KCNMA1: variants seen among roughly 807,000 people sequenced by gnomAD.
KCNMA1 encodes potassium calcium-activated channel subfamily M alpha 1.
KCNMA1 carries 29 observed loss-of-function variants against 140.0 expected under a neutral mutation model. The ratio of observed to expected loss-of-function variants is 0.21; its 90% CI spans 0.15 to 0.28. The LOEUF (loss-of-function observed/expected upper bound fraction) is 0.28. KCNMA1 is among the 10% of genes least tolerant of loss of function. The probability of loss-of-function intolerance (pLI) is 1.00; values close to 1 mark genes in which losing one functional copy is unlikely to be tolerated. For missense variants in KCNMA1, 880 were observed against 1,602.2 expected, an observed-to-expected ratio of 0.55 and a Z score of 7.70; for synonymous variants, 612 against 611.9, an observed-to-expected ratio of 1.00 and a Z score of 0.00.
At chr10:77,071,890 ACTC>A (rs2096228557) in intron 14 of KCNMA1, among the ~76,000 whole-genome samples, 1 of 151,664 alleles carries the variant, frequency 6.6e-6, no homozygotes, top group Admixed American at 6.6e-5. Flanking sequence ...ACTTAGAAAA[ACTC>A]CTGCTCTAAA....
intron 3 of KCNMA1, among the ~76,000 whole-genome samples, chr10:77,203,158 C>T (rs1360395780): frequency 1.3e-5 from 2 of 152,156 alleles, no homozygotes; most frequent in African/African-American, 4.8e-5. Flanking sequence ...AATCCGGGAA[C>T]AAATGAATTT....
At chr10:77,577,514 G>C (rs2074569820) in intron 1 of KCNMA1, among the ~76,000 whole-genome samples, 1 of 152,038 alleles carries the variant, frequency 6.6e-6, no homozygotes, top group Non-Finnish European at 1.5e-5. Flanking sequence ...CATTTCATAT[G>C]GTAATAAATA....
intron 3 of KCNMA1, among the ~76,000 whole-genome samples, chr10:77,237,952 T>C (rs1405859753): frequency 1.3e-5 from 2 of 152,158 alleles, no homozygotes; most frequent in Non-Finnish European, 2.9e-5. Context: ...GCGGTTCCCC[T>C]CACTCATCTC....
chr10:77,426,501 G>C (rs10824541), intron 1 of KCNMA1, among the ~76,000 whole-genome samples: 21,364 of 152,172 alleles, frequency 0.14, 1,887 homozygotes, highest in African/African-American at 0.24. Context: ...ATAAGAGGTT[G>C]AGCTGGGATA....
exon 28 of KCNMA1, chr10:76,871,185 C>T (rs1004577518): frequency 6.6e-6 from 1 of 152,606 alleles, no homozygotes; most frequent in Non-Finnish European, 1.5e-5. Flanking sequence ...GTAGCCCACT[C>T]CTTTACTCCC....
At chr10:77,229,156 T>A (rs1194889321) in intron 3 of KCNMA1, among the ~76,000 whole-genome samples, 1 of 38,324 alleles carries the variant, frequency 2.6e-5, no homozygotes, top group African/African-American at 3.2e-4. Context: ...ATGGACACGA[T>A]GGAAAAGCAA....
chr10:77,028,026 A>C, intron 15 of KCNMA1, 135 bp from the exon 16 acceptor site: 1 of 806,432 alleles, frequency 1.2e-6, no homozygotes, highest in Non-Finnish European at 2.1e-6. Flanking sequence ...CACTGTGCCA[A>C]AGGGAGGGGG....
chr10:77,028,014 G>A (rs2093621172), intron 15 of KCNMA1, 123 bp from the exon 16 acceptor site: 8 of 866,602 alleles, frequency 9.2e-6, no homozygotes, highest in East Asian at 2.5e-5. Flanking sequence ...TCATTCCACC[G>A]GCACTGTGCC....
chr10:77,165,982 A>G (rs1449797711), intron 5 of KCNMA1, among the ~76,000 whole-genome samples: 1 of 152,142 alleles, frequency 6.6e-6, no homozygotes, highest in African/African-American at 2.4e-5. Context: ...CAGTTGAGCT[A>G]AAGTGAGGTT....
intron 1 of KCNMA1, among the ~76,000 whole-genome samples, chr10:77,439,629 C>T (rs1193200918): frequency 4.6e-5 from 7 of 152,204 alleles, no homozygotes; most frequent in African/African-American, 1.7e-4. Flanking sequence ...AACCCATGGG[C>T]TCTCTGAAAG....
At chr10:77,479,692 A>G (rs1225403360) in intron 1 of KCNMA1, among the ~76,000 whole-genome samples, 1 of 152,114 alleles carries the variant, frequency 6.6e-6, no homozygotes, top group Non-Finnish European at 1.5e-5. Flanking sequence ...ACAGTTTGTA[A>G]CCGGACCCCA....
chr10:77,255,305 A>AT (rs77485783), intron 2 of KCNMA1, among the ~76,000 whole-genome samples: 4,343 of 151,314 alleles, frequency 0.029, 211 homozygotes, highest in East Asian at 0.22. Context: ...TACACGGTGT[A>AT]TTTTTTTTTA....
At chr10:77,508,421 G>A (rs2046963751) in intron 1 of KCNMA1, among the ~76,000 whole-genome samples, 1 of 149,898 alleles carries the variant, frequency 6.7e-6, no homozygotes, top group Non-Finnish European at 1.5e-5. Context: ...CTAGGCTCAA[G>A]CAGTCTGCCT....
At chr10:77,284,925 A>G (rs2070209476) in intron 2 of KCNMA1, among the ~76,000 whole-genome samples, 1 of 152,188 alleles carries the variant, frequency 6.6e-6, no homozygotes, top group African/African-American at 2.4e-5. Flanking sequence ...GCTAGTGATA[A>G]ACATTCCTTC....
At chr10:77,568,862 A>C (rs990566977) in intron 1 of KCNMA1, among the ~76,000 whole-genome samples, 36 of 151,510 alleles carry the variant, frequency 2.4e-4, no homozygotes, top group Non-Finnish European at 4.1e-4. Context: ...AAATCTCCTT[A>C]AGCTGATAAG....
chr10:77,488,606 C>T (rs2098490444), intron 1 of KCNMA1, among the ~76,000 whole-genome samples: 3 of 152,130 alleles, frequency 2.0e-5, no homozygotes, highest in Non-Finnish European at 4.4e-5. Flanking sequence ...TCTGTGGGTG[C>T]ACAGCCCTGC....
chr10:77,244,745 G>C (rs1233055826), intron 3 of KCNMA1, among the ~76,000 whole-genome samples: 3 of 152,220 alleles, frequency 2.0e-5, no homozygotes, highest in African/African-American at 7.2e-5. Context: ...GGAAGGCTGA[G>C]TTAGAGTTAC....
intron 1 of KCNMA1, among the ~76,000 whole-genome samples, chr10:77,404,996 C>A (rs1413480949): frequency 1.3e-5 from 2 of 152,226 alleles, no homozygotes; most frequent in Non-Finnish European, 2.9e-5. Context: ...TGCCTGAAAT[C>A]TACACCAGAC....
Position 77,439,145 on chromosome 10 carries a change from GAGAA to G in KCNMA1, c.379-35126_379-35123del, listed in dbSNP as rs1566858516. On this transcript the variant is annotated intron_variant, in intron 1 of 27. Coordinates refer to ENST00000286628, the MANE Select transcript of KCNMA1 (RefSeq NM_001161352.2). Reference sequence around the variant, plus strand: ...GAGAAGAGAAGAGAAGAGAAGAGAAGAGAAAAGAGAAGAGAAGAAAAGAAAAGAG... The same window carrying G: ...GAGAAGAGAAGAGAAGAGAAGAGAAGAAGAGAAGAGAAGAAAAGAAAAGAG... Among the ~76,000 whole-genome samples the G allele has an allele frequency of 1.7e-4, 19 of 111,714 alleles. No homozygotes were observed. In the East Asian group the frequency reaches 2.7e-3, roughly 16 times the overall value. 73.3% of individuals were successfully genotyped at this position (111,714 alleles called of 152,430 possible).
Sources: allele counts gnomAD v4.1 joint callset (sites outside exome capture counted in the v4.1 genomes callset), GRCh38; gene constraint gnomAD v4.1.1; transcripts MANE v1.5; gene names NCBI Gene and HGNC (gene_info 2026-07-23, HGNC 2026-07-21).